PRIM2: variants seen among roughly 807,000 people sequenced by gnomAD.
The protein encoded by PRIM2 is DNA primase subunit 2.
In PRIM2, 39 loss-of-function variants were observed where a neutral mutation model predicts 67.3. The ratio of observed to expected loss-of-function variants is 0.58; its 90% CI spans 0.45 to 0.76. PRIM2 has a LOEUF of 0.76. PRIM2 is among the 30% of genes least tolerant of loss of function. PRIM2 has a pLI of 0.00. For synonymous variants in PRIM2, 143 were observed against 198.7 expected (o/e 0.72, Z 2.36); for missense variants, 398 against 598.7 (o/e 0.66, Z 3.50).
At chr6:57,490,837 A>G (rs1773871144) in intron 7 of PRIM2, among the ~76,000 whole-genome samples, 1 of 152,182 alleles carries the variant, frequency 6.6e-6, no homozygotes, top group African/African-American at 2.4e-5. Flanking sequence ...CCTGGGCTCA[A>G]GCGATCCTTT....
the PRIM2 span, among the ~76,000 whole-genome samples, chr6:57,224,984 C>CA: frequency 3.3e-5 from 5 of 152,192 alleles, no homozygotes; most frequent in Non-Finnish European, 1.5e-5. Context: ...ACCAGAGCAC[C>CA]AACTTGAGTC....
intron 10 of PRIM2, among the ~76,000 whole-genome samples, chr6:57,547,855 A>T (rs1212574708): frequency 2.0e-5 from 3 of 152,218 alleles, no homozygotes; most frequent in African/African-American, 7.2e-5. Context: ...TTAAAAATTG[A>T]CTACTGAAGG....
intron 7 of PRIM2, among the ~76,000 whole-genome samples, chr6:57,417,275 C>G (rs1158586591): frequency 2.0e-5 from 3 of 152,088 alleles, no homozygotes; most frequent in Non-Finnish European, 2.9e-5. Flanking sequence ...CCTTCACTTT[C>G]ATATCATTTA....
intron 8 of PRIM2, among the ~76,000 whole-genome samples, chr6:57,510,161 A>G (rs1554347566): frequency 1.3e-5 from 2 of 152,100 alleles, no homozygotes; most frequent in Non-Finnish European, 2.9e-5. Context: ...TCTCCATTAT[A>G]GTATGCTTGA....
In PRIM2 at chr6:57,646,173, C is replaced by T. The variant is rs1254542538; in HGVS notation, c.*15C>T. The T allele has an allele frequency of 3.2e-6, 5 of 1,546,424 alleles. No homozygotes were observed. The African/African-American group carries it at 4.1e-5, about 13-fold the overall frequency. On this transcript the variant is annotated 3_prime_UTR_variant, in exon 14 of 14. Coordinates refer to ENST00000615550, the MANE Select transcript of PRIM2 (RefSeq NM_000947.5). ...AAGATTCTTAGGCAGTTTTATAACC[C>T]TTTTTCCTCAATAGCCTGTTTCCTG...
chr6:57,340,582 C>A (rs1366486231), intron 5 of PRIM2, among the ~76,000 whole-genome samples: 1 of 152,090 alleles, frequency 6.6e-6, no homozygotes, highest in South Asian at 2.1e-4. Flanking sequence ...TGGAAATCAT[C>A]ATTCTCAGTA....
chr6:57,523,133 G>A (rs1554349070), intron 8 of PRIM2, among the ~76,000 whole-genome samples: 116 of 152,310 alleles, frequency 7.6e-4, no homozygotes, highest in Admixed American at 2.6e-3. Flanking sequence ...AATTTAGGCC[G>A]AGATGATGAT....
At chr6:57,308,766 A>G in the PRIM2 span, among the ~76,000 whole-genome samples, 1 of 152,192 alleles carries the variant, frequency 6.6e-6, no homozygotes, top group Non-Finnish European at 1.5e-5. Context: ...TACTAATGTA[A>G]TTAAACATAT....
chr6:57,472,878 T>C (rs1460305960), intron 7 of PRIM2, among the ~76,000 whole-genome samples: 1 of 152,216 alleles, frequency 6.6e-6, no homozygotes, highest in Non-Finnish European at 1.5e-5. Flanking sequence ...TGTGTAATTA[T>C]CTGCATTCCT....
chr6:57,344,585 T>C (rs9357945), intron 5 of PRIM2, among the ~76,000 whole-genome samples: 2 of 152,368 alleles, frequency 1.3e-5, no homozygotes, highest in East Asian at 1.9e-4. Flanking sequence ...ATAATACTTT[T>C]GTTCTCATAG....
At chr6:57,341,150 A>T (rs1768471434) in intron 5 of PRIM2, among the ~76,000 whole-genome samples, 1 of 152,180 alleles carries the variant, frequency 6.6e-6, no homozygotes, top group African/African-American at 2.4e-5. Context: ...GTGGTGTTAT[A>T]CAGCTTCTAA....
chr6:57,559,937 C>G lies in PRIM2; in HGVS notation c.1020+22312C>G, dbSNP rs1274718585. Among the ~76,000 whole-genome samples, 4 of 152,016 alleles carry G rather than the reference C, an allele frequency of 2.6e-5. No homozygotes were observed. In the East Asian group the frequency reaches 5.8e-4, roughly 22 times the overall value. ...TTGATGTTGATGGCTGCTGACTGAT[C>G]AAGGTGGTAGTTGCTGAAGATTGGA... On this transcript the variant is annotated intron_variant, in intron 10 of 13. Transcript: ENST00000615550.
intron 7 of PRIM2, among the ~76,000 whole-genome samples, chr6:57,384,275 A>G (rs1276625082): frequency 6.6e-6 from 1 of 152,182 alleles, no homozygotes; most frequent in African/African-American, 2.4e-5. Context: ...GATCTATTCC[A>G]CATCTGTCTT....
the PRIM2 span, among the ~76,000 whole-genome samples, chr6:57,280,923 T>A: frequency 6.6e-6 from 1 of 152,220 alleles, no homozygotes; most frequent in Admixed American, 6.5e-5. Context: ...TTTATATTCT[T>A]TTTTCCCTTT....
At chr6:57,343,952 C>A (rs2127295823) in intron 5 of PRIM2, among the ~76,000 whole-genome samples, 1 of 152,152 alleles carries the variant, frequency 6.6e-6, no homozygotes, top group East Asian at 1.9e-4. Flanking sequence ...GGGAATTTTG[C>A]TGAAGGCAGA....
rs1386557061 is a variant in PRIM2, at chr6:57,637,758, A to G, written c.1299+5557A>G. 1.4e-4 allele frequency among the ~76,000 whole-genome samples: 21 copies of G among 152,328 alleles called. No individual in the cohort carries two copies. The South Asian group carries it at 3.9e-3, about 29-fold the overall frequency. ...CTCCAAGAAATAGGGGACTATGTGA[A>G]AAGACCAAACCTATGTTTGATTCTC... On this transcript the variant is annotated intron_variant, in intron 13 of 13. Coordinates refer to ENST00000615550, the MANE Select transcript of PRIM2 (RefSeq NM_000947.5).
In PRIM2 at chr6:57,381,286, C is replaced by CAAG. The variant is rs1769952342; in HGVS notation, c.556-745_556-744insAAG. ...TTGTATGCATTTATATTTAATTCTT[C>CAAG]CTTAAAACTTGAATGAATAGGCAAT... On this transcript the variant is annotated intron_variant, in intron 6 of 13. Transcript: ENST00000615550. Among the ~76,000 whole-genome samples, 7 of 152,222 alleles carry CAAG rather than the reference C, an allele frequency of 4.6e-5. No homozygotes were observed. The South Asian group carries it at 1.5e-3, about 32-fold the overall frequency.
chr6:57,515,621 G>C (rs1774470494), intron 8 of PRIM2, among the ~76,000 whole-genome samples: 1 of 152,200 alleles, frequency 6.6e-6, no homozygotes, highest in Non-Finnish European at 1.5e-5. Flanking sequence ...CACTCCTTTA[G>C]AATATTTAAA....
intron 7 of PRIM2, among the ~76,000 whole-genome samples, chr6:57,500,909 G>C (rs1201132475): frequency 6.6e-6 from 1 of 152,200 alleles, no homozygotes; most frequent in African/African-American, 2.4e-5. Context: ...TCAGTCTCCA[G>C]AGCTTTACTT....
Sources: allele counts gnomAD v4.1 joint callset (sites outside exome capture counted in the v4.1 genomes callset), GRCh38; gene constraint gnomAD v4.1.1; transcripts MANE v1.5; gene names NCBI Gene and HGNC (gene_info 2026-07-23, HGNC 2026-07-21).